The following CDK6 variants were observed in gnomAD, a reference collection of about 807,000 sequenced individuals.
The protein encoded by CDK6 is cyclin-dependent kinase 6.
In CDK6, 6 loss-of-function variants were observed where a neutral mutation model predicts 37.1. That is an observed-to-expected ratio of 0.16 (90% CI 0.09 to 0.32). The LOEUF (loss-of-function observed/expected upper bound fraction) is 0.32. Among genes scored for constraint, CDK6 ranks in the 10% least tolerant of loss-of-function variants. The pLI, the probability that CDK6 is intolerant of heterozygous loss-of-function variation, is 1.00. For synonymous variants in CDK6, 160 were observed against 161.3 expected (o/e 0.99, Z 0.06); for missense variants, 224 against 418.9 (o/e 0.53, Z 4.06).
At chr7:92,704,183 T>TAA (rs1195923022) in intron 4 of CDK6, among the ~76,000 whole-genome samples, 1 of 152,186 alleles carries the variant, frequency 6.6e-6, no homozygotes, top group Non-Finnish European at 1.5e-5. Flanking sequence ...CCAGAGATTT[T>TAA]ATCTAATATA....
chr7:92,723,910 C>CAAAAAAAAAAAAAAA (rs576591781), intron 4 of CDK6, among the ~76,000 whole-genome samples: 1 of 83,744 alleles, frequency 1.2e-5, no homozygotes, highest in Non-Finnish European at 2.9e-5. Context: ...ATTTAATAAG[C>CAAAAAAAAAAAAAAA]AAAAAAAAAA....
chr7:92,706,260 G>T (rs112191556), intron 4 of CDK6, among the ~76,000 whole-genome samples: 2,247 of 152,292 alleles, frequency 0.015, 33 homozygotes, highest in Non-Finnish European at 0.024. Flanking sequence ...TTTGGCCAGC[G>T]TGGTGGCTCA....
intron 2 of CDK6, among the ~76,000 whole-genome samples, chr7:92,829,249 T>G (rs193221895): frequency 6.6e-6 from 1 of 152,330 alleles, no homozygotes; most frequent in African/African-American, 2.4e-5. Context: ...CAGCCTTTTC[T>G]TTGGGTTTTT....
At chr7:92,682,557 T>C (rs1340533818) in intron 4 of CDK6, among the ~76,000 whole-genome samples, 2 of 152,168 alleles carry the variant, frequency 1.3e-5, no homozygotes, top group African/African-American at 4.8e-5. Context: ...AGCCAGCCCT[T>C]TGAGGGTAGA....
intron 3 of CDK6, among the ~76,000 whole-genome samples, chr7:92,768,240 G>A (rs1799631098): frequency 1.3e-5 from 2 of 152,058 alleles, no homozygotes; most frequent in South Asian, 4.1e-4. Context: ...GGTCTTGAGT[G>A]CCAAAAAGAA....
intron 3 of CDK6, among the ~76,000 whole-genome samples, chr7:92,763,848 G>A (rs1039793199): frequency 6.6e-6 from 1 of 152,144 alleles, no homozygotes; most frequent in African/African-American, 2.4e-5. Context: ...AGTGTCTGGT[G>A]TCACCAGAGG....
intron 3 of CDK6, among the ~76,000 whole-genome samples, chr7:92,732,246 T>G (rs1252184045): frequency 6.6e-6 from 1 of 152,118 alleles, no homozygotes; most frequent in Non-Finnish European, 1.5e-5. Flanking sequence ...AGGGAGACCC[T>G]GTCTCTACAA....
At chr7:92,675,266 T>A (rs905955271) in intron 4 of CDK6, among the ~76,000 whole-genome samples, 1 of 152,240 alleles carries the variant, frequency 6.6e-6, no homozygotes, top group African/African-American at 2.4e-5. Flanking sequence ...ATAATAACAA[T>A]ATTGATATGT....
chr7:92,632,611 GCC>G (rs1053614254), intron 5 of CDK6, among the ~76,000 whole-genome samples: 1 of 151,926 alleles, frequency 6.6e-6, no homozygotes, highest in Non-Finnish European at 1.5e-5. Flanking sequence ...AATTTTACTG[GCC>G]CAACAGCAAG....
At chr7:92,756,026 G>C (rs1416836839) in intron 3 of CDK6, among the ~76,000 whole-genome samples, 1 of 152,046 alleles carries the variant, frequency 6.6e-6, no homozygotes, top group African/African-American at 2.4e-5. Flanking sequence ...CCCAACCTTG[G>C]CAAAGTCCAC....
intron 3 of CDK6, among the ~76,000 whole-genome samples, chr7:92,762,218 C>T (rs895605730): frequency 1.1e-4 from 16 of 152,240 alleles, no homozygotes; most frequent in Non-Finnish European, 1.9e-4. Flanking sequence ...TAATCACATG[C>T]TTTTTAAAAA....
At chr7:92,725,874 G>A (rs1313237711) in intron 3 of CDK6, 81 bp from the exon 4 acceptor site, 1 of 1,271,518 alleles carries the variant, frequency 7.9e-7, no homozygotes, top group Admixed American at 2.0e-5. Context: ...CGAATCCTTA[G>A]CATTTTGTGG....
At chr7:92,677,277 C>A (rs1173479962) in intron 4 of CDK6, among the ~76,000 whole-genome samples, 14 of 152,120 alleles carry the variant, frequency 9.2e-5, no homozygotes, top group African/African-American at 3.1e-4. Flanking sequence ...CTAGTTAATT[C>A]TCTAATAAAA....
intron 4 of CDK6, among the ~76,000 whole-genome samples, chr7:92,714,283 CAGAG>C (rs1798169196): frequency 6.6e-6 from 1 of 152,026 alleles, no homozygotes; most frequent in Admixed American, 6.6e-5. Context: ...GCAATCTAAG[CAGAG>C]AGAATGTTTA....
intron 4 of CDK6, among the ~76,000 whole-genome samples, chr7:92,696,900 C>T (rs1335108588): frequency 3.3e-5 from 5 of 152,012 alleles, no homozygotes; most frequent in African/African-American, 4.8e-5. Flanking sequence ...TTAACCGATT[C>T]GCAAAAAAGT....
chr7:92,787,398 A>G (rs1260638767), intron 2 of CDK6, among the ~76,000 whole-genome samples: 1 of 152,092 alleles, frequency 6.6e-6, no homozygotes. Context: ...CTTTTCTTCA[A>G]TCTGTTCCTC....
intron 2 of CDK6, among the ~76,000 whole-genome samples, chr7:92,797,808 T>C (rs1800453367): frequency 6.6e-6 from 1 of 152,210 alleles, no homozygotes; most frequent in African/African-American, 2.4e-5. Context: ...GTTTTGGTTA[T>C]GAATTGCCTC....
chr7:92,672,642 T>TA (rs1363675179), intron 4 of CDK6, among the ~76,000 whole-genome samples: 1 of 151,960 alleles, frequency 6.6e-6, no homozygotes, highest in Non-Finnish European at 1.5e-5. Flanking sequence ...AAGGGGCAGA[T>TA]AGTCTATGGA....
chr7:92,656,354 G>A (rs1311938194), intron 5 of CDK6, among the ~76,000 whole-genome samples: 1 of 152,142 alleles, frequency 6.6e-6, no homozygotes, highest in African/African-American at 2.4e-5. Context: ...GACAGCCACA[G>A]ACCACTCCAC....
Sources: gnomAD v4.1 joint callset for allele counts (sites outside exome capture counted in the v4.1 genomes callset) on GRCh38, gnomAD v4.1.1 for gene constraint, MANE v1.5 for transcripts, NCBI Gene and HGNC (gene_info 2026-07-23, HGNC 2026-07-21) for gene names.